The following ACACB variants were observed in gnomAD, a reference collection of about 807,000 sequenced individuals.
The protein encoded by ACACB is acetyl-CoA carboxylase beta, also known as acetyl-CoA carboxylase 2.
Under a neutral mutation model 278.8 loss-of-function variants are expected in ACACB, and 209 were observed. The ratio of observed to expected loss-of-function variants is 0.75; its 90% confidence interval spans 0.67 to 0.84. The LOEUF is 0.84. Ranked by LOEUF, ACACB falls within the 40% of genes least tolerant of loss-of-function variation. The probability of loss-of-function intolerance (pLI) is 0.00; values close to 1 mark genes in which losing one functional copy is unlikely to be tolerated. For missense variants in ACACB, 2,850 were observed against 3,269.0 expected (o/e 0.87, Z 3.13); for synonymous variants, 1,174 against 1,285.6 (o/e 0.91, Z 1.86).
intron 9 of ACACB, among the ~76,000 whole-genome samples, chr12:109,178,605 T>C (rs573446790): frequency 4.2e-4 from 64 of 152,346 alleles, no homozygotes; most frequent in African/African-American, 1.4e-3. Context: ...TAGTGACTAT[T>C]GGGCTGGCGG....
At chr12:109,144,445 C>T (rs966123609) in intron 2 of ACACB, among the ~76,000 whole-genome samples, 3 of 152,198 alleles carry the variant, frequency 2.0e-5, no homozygotes, top group Admixed American at 6.6e-5. Context: ...CTTTTGCACA[C>T]ATACAGGCAG....
chr12:109,173,120 G>C (rs1248434475), intron 6 of ACACB, among the ~76,000 whole-genome samples: 1 of 152,114 alleles, frequency 6.6e-6, no homozygotes, highest in African/African-American at 2.4e-5. Context: ...TAAATGATGA[G>C]AACATATGGA....
chr12:109,241,610 G>C, intron 36 of ACACB: 1 of 334,882 alleles, frequency 3.0e-6, no homozygotes, highest in East Asian at 7.0e-5. Flanking sequence ...GACCTCCAAA[G>C]TGCTGGGATT....
chr12:109,159,948 G>A (rs543029314), intron 2 of ACACB, among the ~76,000 whole-genome samples: 1 of 151,928 alleles, frequency 6.6e-6, no homozygotes, highest in Admixed American at 6.6e-5. Flanking sequence ...AAATTAGCCA[G>A]GCATGGTGGC....
intron 13 of ACACB, chr12:109,191,393 T>G (rs1450446066): frequency 2.4e-6 from 1 of 423,986 alleles, no homozygotes; most frequent in African/African-American, 2.0e-5. Flanking sequence ...TTTGTATTTT[T>G]GGTAGAGATG....
rs1477914359 is a variant in ACACB at position 109,201,601 on chromosome 12, A to G, written c.2813A>G (p.Glu938Gly). 1 of 1,614,102 alleles carries G rather than the reference A, an allele frequency of 6.2e-7. No individual in the cohort carries two copies. Among genetic ancestry groups the G allele is most frequent in the Non-Finnish European group, 8.5e-7 (1 of 1,180,016 alleles). The change falls in exon 19 of 53, where the codon GAA becomes GGA. Residue 938 changes from glutamate to glycine, a missense_variant. Coordinates refer to ENST00000338432, the MANE Select transcript of ACACB (RefSeq NM_001093.4). ...ATGATCATGACCCTGAACGTTCAGG[A>G]AAGAGGCCGGGTGAAGTACATCAAG... ...MKMIMTLNVQ[E>G]RGRVKYIKRP...
chr12:109,118,632 T>G (rs984397292), intron 1 of ACACB, among the ~76,000 whole-genome samples: 11 of 152,094 alleles, frequency 7.2e-5, no homozygotes, highest in Non-Finnish European at 1.3e-4. Flanking sequence ...CAGGCTGGTC[T>G]CGAACTCCTG....
chr12:109,206,428 CAAAAA>C (rs35315851), intron 19 of ACACB, among the ~76,000 whole-genome samples: 21 of 89,776 alleles, frequency 2.3e-4, no homozygotes, highest in African/African-American at 1.1e-3. Flanking sequence ...GCGAGTGTCT[CAAAAA>C]AAAAAAAAAA....
At chr12:109,168,147 A>T in intron 4 of ACACB, 113 bp downstream of exon 4, 5 of 1,147,198 alleles carry the variant, frequency 4.4e-6, no homozygotes, top group Non-Finnish European at 4.9e-6. Context: ...AGGACCTCTC[A>T]TGAGTCTGTA....
chr12:109,183,739 A>T (rs553406414), intron 11 of ACACB, among the ~76,000 whole-genome samples: 3 of 152,030 alleles, frequency 2.0e-5, no homozygotes, highest in Admixed American at 2.0e-4. Flanking sequence ...GGATAATTGG[A>T]CTTCTTCCTT....
In ACACB at chr12:109,194,280, C is replaced by G. The variant is rs185748854; in HGVS notation, c.2481+551C>G. Reference sequence around the variant, plus strand: ...GCTCAACCTTGGCTCACTGCAACCTCCATCTCCCAGGTTCAAGCAATTCTT... The same window carrying G: ...GCTCAACCTTGGCTCACTGCAACCTGCATCTCCCAGGTTCAAGCAATTCTT... On this transcript the variant is annotated intron_variant, in intron 16 of 52. Coordinates refer to ENST00000338432, the MANE Select transcript of ACACB (RefSeq NM_001093.4). Among the ~76,000 whole-genome samples, 320 of 152,226 alleles carry G rather than the reference C, an allele frequency of 2.1e-3. 2 individuals are homozygous for G. Among genetic ancestry groups the G allele is most frequent in the African/African-American group, 7.2e-3 (299 of 41,540 alleles).
intron 12 of ACACB, among the ~76,000 whole-genome samples, chr12:109,186,749 C>T (rs571947719): frequency 6.3e-4 from 96 of 152,180 alleles, no homozygotes; most frequent in African/African-American, 2.1e-3. Flanking sequence ...GGGTTCTTGG[C>T]TGTGAACCAA....
chr12:109,178,667 T>C (rs550732318), intron 9 of ACACB, among the ~76,000 whole-genome samples: 1 of 152,236 alleles, frequency 6.6e-6, no homozygotes, highest in Admixed American at 6.5e-5. Flanking sequence ...GAAAGGCAGA[T>C]TTATTGGAGG....
At chr12:109,127,034 C>T (rs563896798) in intron 1 of ACACB, among the ~76,000 whole-genome samples, 2 of 152,190 alleles carry the variant, frequency 1.3e-5, no homozygotes, top group East Asian at 1.9e-4. Flanking sequence ...GGCTGGGATT[C>T]CCTGAAGACC....
intron 28 of ACACB, among the ~76,000 whole-genome samples, chr12:109,231,024 A>G (rs2046452739): frequency 6.6e-6 from 1 of 152,102 alleles, no homozygotes; most frequent in Non-Finnish European, 1.5e-5. Flanking sequence ...TGCCTCTGTA[A>G]AGGGCCATGA....
At chr12:109,253,547 T>G (rs747902102) in intron 43 of ACACB, among the ~76,000 whole-genome samples, 1 of 152,198 alleles carries the variant, frequency 6.6e-6, no homozygotes, top group Non-Finnish European at 1.5e-5. Context: ...TGAGCCTGTT[T>G]CCTCATCTGT....
chr12:109,171,720 C>G, intron 4 of ACACB, 85 bp from the exon 5 acceptor site: 1 of 1,000,968 alleles, frequency 1.0e-6, no homozygotes, highest in Non-Finnish European at 1.5e-6. Context: ...CTTTCCATGG[C>G]TGTACATAGT....
intron 16 of ACACB, among the ~76,000 whole-genome samples, chr12:109,193,945 C>T (rs114417146): frequency 2.2e-4 from 33 of 152,284 alleles, no homozygotes; most frequent in African/African-American, 7.2e-4. Flanking sequence ...CACAATGGAG[C>T]GTGGATAAGT....
chr12:109,235,391 A>G (rs1331641510), intron 32 of ACACB, 22 bp downstream of exon 32: 2 of 1,608,132 alleles, frequency 1.2e-6, no homozygotes. Context: ...GTTCATCTCT[A>G]TGAGTCTTTC....
Sources: gnomAD v4.1 joint callset for allele counts (sites outside exome capture counted in the v4.1 genomes callset) on GRCh38, gnomAD v4.1.1 for gene constraint, MANE v1.5 for transcripts, NCBI Gene and HGNC (gene_info 2026-07-23, HGNC 2026-07-21) for gene names.